STAMBPL1: variants seen among roughly 807,000 people sequenced by gnomAD.
STAMBPL1 encodes the protein AMSH-like protease.
STAMBPL1 carries 44 observed loss-of-function variants against 52.9 expected under a neutral mutation model. The ratio of observed to expected loss-of-function variants is 0.83; its 90% CI spans 0.65 to 1.07. STAMBPL1 has a LOEUF of 1.07. Ranked by LOEUF, STAMBPL1 falls within the 50% of genes least tolerant of loss-of-function variation. The probability of loss-of-function intolerance (pLI) is 0.00; values close to 1 mark genes in which losing one functional copy is unlikely to be tolerated. For missense variants in STAMBPL1, 511 were observed against 520.8 expected (o/e 0.98, Z 0.18); for synonymous variants, 164 against 177.3 (o/e 0.92, Z 0.60).
Position 88,905,507 on chromosome 10 carries a change from C to T in STAMBPL1, c.95C>T (p.Ala32Val). 1 of 1,614,094 alleles carries T rather than the reference C, an allele frequency of 6.2e-7. No homozygotes were observed. Among genetic ancestry groups the T allele is most frequent in the Non-Finnish European group, 8.5e-7 (1 of 1,179,986 alleles). ...VSLSPEERVR[A>V]LSKLGCNITI... ...CTAAGCCCAGAAGAGCGAGTCCGTG[C>T]CCTAAGCAAGCTTGGTTGTAATATC... Residue 32 changes from alanine (A) to valine (V), a missense_variant, in exon 3 of 11, where the codon GCC (alanine) becomes GTC (valine). Physicochemically the swap from Ala to Val is moderately conservative, Grantham distance 64. Around this residue, in one of 3 missense-constraint regions of STAMBPL1, gnomAD observed 358 missense variants for 343.5 expected, o/e 1.04. Transcript: ENST00000371926.
intron 5 of STAMBPL1, among the ~76,000 whole-genome samples, chr10:88,911,294 A>G (rs1488318711): frequency 6.6e-6 from 1 of 152,228 alleles, no homozygotes; most frequent in Non-Finnish European, 1.5e-5. Context: ...CTCTTGAGCC[A>G]GATAACCTTG....
intron 1 of STAMBPL1, among the ~76,000 whole-genome samples, chr10:88,883,045 T>A (rs549626640): frequency 2.4e-5 from 3 of 127,312 alleles, no homozygotes; most frequent in African/African-American, 8.8e-5. Flanking sequence ...GTGTGTGATG[T>A]TCCCCTTCCT....
Position 88,922,352 on chromosome 10 carries a change from G to A in STAMBPL1, c.1170G>A (p.Arg390=). Residue 390 remains arginine (R), a synonymous_variant, in exon 10 of 11, where the codon AGG becomes AGA. Transcript: ENST00000371926. ...TGAAATTTAGCACTGGCATCTTCAG[G>A]CTCACCAATGCTGGCATGCTTGAGG... ...SPKHKDTGIF[R]LTNAGMLEVS... is the part of the protein sequence containing the mutation. The A allele has an allele frequency of 1.2e-6, 2 of 1,613,094 alleles. No individual in the cohort carries two copies. Among genetic ancestry groups the A allele is most frequent in the Non-Finnish European group, 1.7e-6 (2 of 1,179,540 alleles).
At chr10:88,904,482 C>A (rs1342365798) in intron 2 of STAMBPL1, among the ~76,000 whole-genome samples, 1 of 152,118 alleles carries the variant, frequency 6.6e-6, no homozygotes, top group Non-Finnish European at 1.5e-5. Flanking sequence ...CACCCACTTG[C>A]TTTTATAAAT....
In STAMBPL1 at chr10:88,914,625, A is replaced by C. The variant is rs139001360; in HGVS notation, c.870A>C (p.Gly290=). 3,098 of 1,471,248 alleles carry C rather than the reference A, an allele frequency of 2.1e-3. 21 individuals carry two copies. The highest frequency in any genetic ancestry group is 0.013 in the Middle Eastern group (71 of 5,568). The allele number at this position is 1,471,248 out of a possible 1,614,324, so 91.1% of individuals were successfully genotyped here. Residue 290 remains glycine (G), a synonymous_variant, in exon 7 of 11, where the codon GGA becomes GGC. Coordinates refer to ENST00000371926, the MANE Select transcript of STAMBPL1 (RefSeq NM_020799.4). ...LQLAESNTVR[G]IETCGILCGK... The stretch of plus-strand genomic sequence containing the variant: ...TGGCAGAATCTAATACAGTGAGAGG[A>C]ATAGAAACCTGTGGAATACTCTGTG...
intron 1 of STAMBPL1, among the ~76,000 whole-genome samples, chr10:88,883,305 C>T (rs1347088565): frequency 6.6e-6 from 1 of 152,132 alleles, no homozygotes; most frequent in African/African-American, 2.4e-5. Context: ...AGAAGGCCAA[C>T]ATCCTCGATT....
intron 1 of STAMBPL1, among the ~76,000 whole-genome samples, chr10:88,891,171 T>C (rs1018836141): frequency 6.6e-6 from 1 of 152,202 alleles, no homozygotes; most frequent in Non-Finnish European, 1.5e-5. Context: ...AATGTATTTA[T>C]CCAAAAATGA....
At position 88,901,699 on chromosome 10, in the gene STAMBPL1, A is replaced by T. The variant is rs1844947171; in HGVS notation, c.-10A>T. On this transcript the variant is annotated 5_prime_UTR_variant, in exon 2 of 11. Coordinates refer to ENST00000371926, the MANE Select transcript of STAMBPL1 (RefSeq NM_020799.4). ...AACAGTGAACATCCTCATTTCACAGATAAGACAACATGGATCAGCCTTTTA... is the reference window on the plus strand; with the variant it reads ...AACAGTGAACATCCTCATTTCACAGTTAAGACAACATGGATCAGCCTTTTA... The T allele has an allele frequency of 1.2e-6, 2 of 1,610,768 alleles. No homozygotes were observed. Among genetic ancestry groups the T allele is most frequent in the East Asian group, 4.5e-5 (2 of 44,588 alleles).
At chr10:88,887,211 T>G (rs1219359900) in intron 1 of STAMBPL1, among the ~76,000 whole-genome samples, 1 of 152,208 alleles carries the variant, frequency 6.6e-6, no homozygotes, top group Non-Finnish European at 1.5e-5. Context: ...AACTGCTTAC[T>G]TAATCTATAA....
intron 1 of STAMBPL1, among the ~76,000 whole-genome samples, chr10:88,890,932 A>G (rs1338632378): frequency 6.6e-6 from 1 of 152,158 alleles, no homozygotes; most frequent in Non-Finnish European, 1.5e-5. Context: ...AACTTTATCC[A>G]TCGCTTCCAG....
intron 1 of STAMBPL1, among the ~76,000 whole-genome samples, chr10:88,896,195 G>A (rs185179752): frequency 1.3e-3 from 203 of 152,242 alleles, no homozygotes; most frequent in African/African-American, 4.7e-3. Flanking sequence ...CTATGTCACA[G>A]CATATTTCTG....
intron 7 of STAMBPL1, among the ~76,000 whole-genome samples, chr10:88,916,112 G>A (rs922308598): frequency 6.6e-6 from 1 of 152,040 alleles, no homozygotes. Flanking sequence ...TTATCTGATT[G>A]CAAATCCAAA....
intron 1 of STAMBPL1, among the ~76,000 whole-genome samples, chr10:88,884,431 GT>G (rs1844479615): frequency 1.3e-5 from 2 of 152,184 alleles, no homozygotes; most frequent in African/African-American, 4.8e-5. Context: ...AGGAAAGCAT[GT>G]TGTCAGAAGA....
At chr10:88,899,314 A>G (rs1844887424) in intron 1 of STAMBPL1, among the ~76,000 whole-genome samples, 1 of 152,086 alleles carries the variant, frequency 6.6e-6, no homozygotes, top group African/African-American at 2.4e-5. Context: ...GACAATACCT[A>G]CTTGTGGGCT....
At position 88,884,741 on chromosome 10, in the gene STAMBPL1, T is replaced by C. The variant is rs77342988; in HGVS notation, c.-54+4103T>C. Among the ~76,000 whole-genome samples the C allele has an allele frequency of 9.1e-3, 1,384 of 152,270 alleles. 37 individuals are homozygous for C. The East Asian group carries it at 0.11, about 12-fold the overall frequency. ...TTTGACAAATATTTATTAATAGCTG[T>C]TAGTTATTGAAGATGTGCTATATGC... On this transcript the variant is annotated intron_variant, in intron 1 of 10. Transcript: ENST00000371926.
At chr10:88,912,805 C>A in intron 5 of STAMBPL1, 1 of 287,828 alleles carries the variant, frequency 3.5e-6, no homozygotes, top group Non-Finnish European at 6.5e-6. Context: ...TCTGACTGAG[C>A]AAACAACCTT....
intron 2 of STAMBPL1, among the ~76,000 whole-genome samples, chr10:88,902,937 G>C (rs894109350): frequency 6.6e-6 from 1 of 152,130 alleles, no homozygotes; most frequent in Non-Finnish European, 1.5e-5. Context: ...TATTTGGAAA[G>C]GTAGACAATT....
intron 6 of STAMBPL1, 31 bp from the exon 7 acceptor site, chr10:88,914,503 T>G: frequency 6.9e-7 from 1 of 1,456,624 alleles, no homozygotes. Context: ...TAGTTTGTTT[T>G]TTAGCCTTTT....
chr10:88,918,983 A>G (rs1845439371), intron 8 of STAMBPL1, among the ~76,000 whole-genome samples: 1 of 152,206 alleles, frequency 6.6e-6, no homozygotes, highest in Non-Finnish European at 1.5e-5. Context: ...TTGTGGTTGG[A>G]TGAAAATACA....
Sources: allele counts gnomAD v4.1 joint callset (sites outside exome capture counted in the v4.1 genomes callset), GRCh38; gene constraint gnomAD v4.1.1; regional missense constraint gnomAD v4.1.1; transcripts MANE v1.5; gene names NCBI Gene and HGNC (gene_info 2026-07-23, HGNC 2026-07-21).